Variants in CSMD1 observed in about 807,000 individuals in gnomAD.
The protein encoded by CSMD1 is CUB and Sushi multiple domains 1.
Under a neutral mutation model 417.5 loss-of-function variants are expected in CSMD1, and 213 were observed. The observed-to-expected ratio is 0.51, with a 90% confidence interval of 0.46 to 0.57. The LOEUF is 0.57. Ranked by LOEUF, CSMD1 falls within the 20% of genes least tolerant of loss-of-function variation. CSMD1 has a pLI of 0.00. For missense variants in CSMD1, 6,923 were observed against 4,529.7 expected, an observed-to-expected ratio of 1.53 and a Z score of -15.17; for synonymous variants, 2,862 against 1,736.8, an observed-to-expected ratio of 1.65 and a Z score of -16.11.
intron 10 of CSMD1, among the ~76,000 whole-genome samples, chr8:3,532,468 C>T (rs1229111760): frequency 6.6e-6 from 1 of 152,152 alleles, no homozygotes; most frequent in Non-Finnish European, 1.5e-5. Flanking sequence ...TCTGACATTT[C>T]CTTGCCTGGT....
chr8:4,056,584 TGCA>T (rs1201018077), intron 3 of CSMD1, among the ~76,000 whole-genome samples: 9 of 152,012 alleles, frequency 5.9e-5, no homozygotes, highest in African/African-American at 2.2e-4. Flanking sequence ...GTGCACAATG[TGCA>T]GGTAAGTTAC....
rs368661008 is a variant in CSMD1 at position 4,096,135 on chromosome 8, G to A, written c.416-64036C>T. On this transcript the variant is annotated intron_variant, in intron 3 of 69. Transcript: ENST00000635120. Reference sequence around the variant, plus strand: ...TTCCTCAAAAACATCCAGGGTCCTAGATGTTCTATAATAGGTGAGGGCTGA... The same window carrying A: ...TTCCTCAAAAACATCCAGGGTCCTAAATGTTCTATAATAGGTGAGGGCTGA... 7.9e-5 allele frequency among the ~76,000 whole-genome samples: 12 copies of A among 152,214 alleles called. No homozygotes were observed. In the East Asian group the frequency reaches 1.9e-3, roughly 24 times the overall value.
chr8:4,642,490 TC>T (rs1803259046), intron 1 of CSMD1, among the ~76,000 whole-genome samples: 1 of 152,178 alleles, frequency 6.6e-6, no homozygotes, highest in Non-Finnish European at 1.5e-5. Context: ...CTGAGATGAT[TC>T]ATCTGTGATC....
At chr8:4,783,264 A>G (rs1288717946) in intron 1 of CSMD1, among the ~76,000 whole-genome samples, 1 of 152,214 alleles carries the variant, frequency 6.6e-6, no homozygotes, top group African/African-American at 2.4e-5. Flanking sequence ...ACAGGAAATC[A>G]AGATGGTGAA....
rs532826833 is a variant in CSMD1 at position 3,649,272 on chromosome 8, T to A, written c.1010-32475A>T. 1.7e-4 allele frequency among the ~76,000 whole-genome samples: 26 copies of A among 152,322 alleles called. No homozygotes were observed. The South Asian group carries it at 4.8e-3, about 28-fold the overall frequency. ...CATAAAACCAACCTGGAACTTAATA[T>A]TACTATGTGAGAACCAAGAAAAAAA... is the stretch of plus-strand genomic sequence containing the variant. On this transcript the variant is annotated intron_variant, in intron 7 of 69. Coordinates refer to ENST00000635120, the MANE Select transcript of CSMD1 (RefSeq NM_033225.6).
Position 3,214,599 on chromosome 8 carries a change from G to A in CSMD1, c.4765C>T (p.Gln1589Ter). 1 of 1,566,608 alleles carries A rather than the reference G, an allele frequency of 6.4e-7. No individual in the cohort carries two copies. The highest frequency in any genetic ancestry group is 8.7e-7 in the Non-Finnish European group (1 of 1,154,894). Residue 1589 changes from glutamine (Q) to a stop codon, truncating the protein, a stop_gained, in exon 30 of 70, where the codon CAG becomes TAG. Transcript: ENST00000635120. LOFTEE classifies it high-confidence loss of function. Reference protein sequence around the residue: ...DFKLGSTITYQCDSGYKILDP... With the variant: ...DFKLGSTITY ...AGAATCTTATAGCCAGAGTCACACT[G>A]GTAGGTGATGGTGGAGCCAAGCTTG...
chr8:4,346,943 T>G (rs1011894798), intron 3 of CSMD1, among the ~76,000 whole-genome samples: 14 of 152,152 alleles, frequency 9.2e-5, no homozygotes, highest in Admixed American at 5.9e-4. Flanking sequence ...GAAAGTGAGT[T>G]TAGTTAGGTA....
intron 3 of CSMD1, among the ~76,000 whole-genome samples, chr8:4,233,368 T>C (rs1377256868): frequency 6.6e-6 from 1 of 152,212 alleles, no homozygotes; most frequent in African/African-American, 2.4e-5. Context: ...TTTTTCTCAG[T>C]GACTAAGTAC....
intron 50 of CSMD1, among the ~76,000 whole-genome samples, chr8:3,034,552 A>G (rs1407318198): frequency 3.3e-5 from 5 of 152,190 alleles, no homozygotes; most frequent in African/African-American, 1.2e-4. Flanking sequence ...ACACATAAAT[A>G]TATGTACATA....
intron 3 of CSMD1, among the ~76,000 whole-genome samples, chr8:4,208,899 T>A (rs1800136411): frequency 1.3e-5 from 2 of 152,180 alleles, no homozygotes; most frequent in African/African-American, 4.8e-5. Flanking sequence ...TTCTTAAATT[T>A]CTTTTTATAT....
intron 49 of CSMD1, among the ~76,000 whole-genome samples, chr8:3,065,796 A>G (rs1369669958): frequency 2.6e-5 from 4 of 152,224 alleles, no homozygotes; most frequent in Non-Finnish European, 4.4e-5. Flanking sequence ...TGCATGGATA[A>G]ATCAAAAGTA....
At chr8:3,073,856 G>A (rs749888336) in intron 49 of CSMD1, among the ~76,000 whole-genome samples, 1 of 152,002 alleles carries the variant, frequency 6.6e-6, no homozygotes, top group Non-Finnish European at 1.5e-5. Context: ...AACAATGAGT[G>A]ATTTTTTTTG....
chr8:4,395,794 C>A (rs1049982335), intron 3 of CSMD1, among the ~76,000 whole-genome samples: 1 of 152,028 alleles, frequency 6.6e-6, no homozygotes, highest in African/African-American at 2.4e-5. Context: ...GAATACAATT[C>A]AATTATGCAT....
intron 23 of CSMD1, among the ~76,000 whole-genome samples, chr8:3,309,251 A>G (rs901955166): frequency 2.6e-5 from 4 of 152,074 alleles, no homozygotes; most frequent in Non-Finnish European, 5.9e-5. Flanking sequence ...CACTTATTCC[A>G]GCCCATTGTC....
At chr8:2,992,390 C>T (rs1202858788) in intron 54 of CSMD1, among the ~76,000 whole-genome samples, 3 of 151,612 alleles carry the variant, frequency 2.0e-5, no homozygotes, top group East Asian at 1.9e-4. Flanking sequence ...CACTTTAGAA[C>T]GGTTAACTAG....
intron 57 of CSMD1, among the ~76,000 whole-genome samples, chr8:2,969,395 C>A (rs1423300364): frequency 1.3e-5 from 2 of 152,118 alleles, no homozygotes; most frequent in Non-Finnish European, 2.9e-5. Flanking sequence ...CATTTGAAAT[C>A]TTAAGCTTGA....
chr8:4,656,434 TCCA>T (rs1804235891), intron 1 of CSMD1, among the ~76,000 whole-genome samples: 1 of 152,076 alleles, frequency 6.6e-6, no homozygotes, highest in Non-Finnish European at 1.5e-5. Flanking sequence ...CATTATATTA[TCCA>T]CGTAAAGCTT....
At chr8:4,161,501 AG>A in intron 3 of CSMD1, among the ~76,000 whole-genome samples, 1 of 152,186 alleles carries the variant, frequency 6.6e-6, no homozygotes, top group African/African-American at 2.4e-5. Context: ...TAAAAGAAAA[AG>A]GACTGAACCC....
chr8:4,939,507 G>T (rs1474098454), intron 1 of CSMD1, among the ~76,000 whole-genome samples: 3 of 152,162 alleles, frequency 2.0e-5, no homozygotes, highest in African/African-American at 7.2e-5. Flanking sequence ...CAATATGAAT[G>T]AAACAGACAT....
Sources: allele counts gnomAD v4.1 joint callset (sites outside exome capture counted in the v4.1 genomes callset), GRCh38; gene constraint gnomAD v4.1.1; transcripts MANE v1.5; gene names NCBI Gene and HGNC (gene_info 2026-07-23, HGNC 2026-07-21).